The following FAM53A variants were observed in gnomAD, a reference collection of about 807,000 sequenced individuals.
FAM53A encodes family with sequence similarity 53 member A.
In FAM53A, 28 loss-of-function variants were observed where a neutral mutation model predicts 26.6. The ratio of observed to expected loss-of-function variants is 1.05; its 90% confidence interval spans 0.78 to 1.45. The LOEUF is 1.45. FAM53A is among the 40% of genes most tolerant of loss of function. The pLI, the probability that FAM53A is intolerant of heterozygous loss-of-function variation, is 0.00. For missense variants in FAM53A, 650 were observed against 575.8 expected (o/e 1.13, Z -1.32); for synonymous variants, 290 against 253.1 (o/e 1.15, Z -1.38).
the FAM53A span, among the ~76,000 whole-genome samples, chr4:1,586,298 A>G: frequency 6.6e-6 from 1 of 151,680 alleles, no homozygotes; most frequent in East Asian, 1.9e-4. Flanking sequence ...GGTTCAAGCG[A>G]TTCTCCTGAC....
chr4:1,670,377 C>T (rs1001434158), intron 1 of FAM53A, among the ~76,000 whole-genome samples: 3 of 152,256 alleles, frequency 2.0e-5, no homozygotes, highest in African/African-American at 7.2e-5. Flanking sequence ...CAGCGACGCG[C>T]ACAGTGGGCC....
At position 1,668,935 on chromosome 4, in the gene FAM53A, T is replaced by C. The variant is rs547291916; in HGVS notation, c.-164-30A>G. ...TTCTCAGAAGAGAGAAATCATCATGTGATTATACGCAAAACCATTTTGTTG... is the reference window on the plus strand; with the variant it reads ...TTCTCAGAAGAGAGAAATCATCATGCGATTATACGCAAAACCATTTTGTTG... On this transcript the variant is annotated intron_variant, in intron 1 of 4. Transcript: ENST00000308132. 4 of 550,864 alleles carry C rather than the reference T, an allele frequency of 7.3e-6. No individual in the cohort carries two copies. The South Asian group carries it at 7.9e-5, about 11-fold the overall frequency. 34.1% of individuals were successfully genotyped at this position (550,864 alleles called of 1,614,324 possible).
intron 1 of FAM53A, among the ~76,000 whole-genome samples, chr4:1,632,560 G>T (rs1715656614): frequency 6.6e-6 from 1 of 152,166 alleles, no homozygotes; most frequent in South Asian, 2.1e-4. Flanking sequence ...AATAATAAAA[G>T]CAACACCCAT....
At chr4:1,643,097 A>G (rs369703418) in intron 4 of FAM53A, among the ~76,000 whole-genome samples, 60 of 152,350 alleles carry the variant, frequency 3.9e-4, no homozygotes, top group African/African-American at 1.4e-3. Context: ...AAACACTTCC[A>G]GCGACTGATT....
intron 4 of FAM53A, among the ~76,000 whole-genome samples, chr4:1,652,139 CA>C (rs1712872878): frequency 9.1e-6 from 1 of 109,586 alleles, no homozygotes; most frequent in African/African-American, 5.6e-5. Flanking sequence ...CCTCATACAC[CA>C]CACACACCAC....
At chr4:1,685,947 T>C (rs1386726502), upstream of FAM53A, among the ~76,000 whole-genome samples, 15 of 152,114 alleles carry the variant, frequency 9.9e-5, 1 homozygote, top group Admixed American at 9.8e-4. Flanking sequence ...ATCACAAACG[T>C]CAGAGCTGTG....
At chr4:1,637,984 G>A (rs1024430354), downstream of FAM53A, among the ~76,000 whole-genome samples, 28 of 151,644 alleles carry the variant, frequency 1.8e-4, no homozygotes, top group African/African-American at 6.3e-4. Flanking sequence ...GTGGCTAGTC[G>A]AGGAAAGACC....
the FAM53A span, among the ~76,000 whole-genome samples, chr4:1,599,300 G>A: frequency 2.0e-5 from 3 of 151,984 alleles, no homozygotes; most frequent in African/African-American, 7.2e-5. The surrounding 1 kb of genome is among the most constrained non-coding windows in gnomAD (Gnocchi z 6.1). Context: ...GCTCAGGGCC[G>A]TCAGCTCCAA....
chr4:1,598,979 G>A, the FAM53A span, among the ~76,000 whole-genome samples: 1 of 152,260 alleles, frequency 6.6e-6, no homozygotes. Flanking sequence ...TCTCCTCTCT[G>A]TAGCGTGCGC....
At chr4:1,663,827 G>A (rs1714031033) in intron 2 of FAM53A, among the ~76,000 whole-genome samples, 1 of 146,068 alleles carries the variant, frequency 6.8e-6, no homozygotes, top group African/African-American at 2.5e-5. Context: ...ACAAATTAGT[G>A]AGACCCTGTC....
At chr4:1,587,915 T>A in the FAM53A span, among the ~76,000 whole-genome samples, 9 of 152,238 alleles carry the variant, frequency 5.9e-5, no homozygotes, top group Non-Finnish European at 1.3e-4. Context: ...TTTTAATAAA[T>A]GTAGGGTAAT....
At chr4:1,673,649 C>T (rs13145078) in intron 1 of FAM53A, among the ~76,000 whole-genome samples, 88,280 of 152,116 alleles carry the variant, frequency 0.58, 27,359 homozygotes, top group East Asian at 0.89. Flanking sequence ...AGGAGAATCA[C>T]TTGAACCGGG....
At chr4:1,670,495 C>T (rs964951374) in intron 1 of FAM53A, among the ~76,000 whole-genome samples, 6 of 152,234 alleles carry the variant, frequency 3.9e-5, no homozygotes, top group Non-Finnish European at 8.8e-5. Flanking sequence ...CAGGTCCTGA[C>T]GGGTGCCACC....
At chr4:1,600,517 T>C in the FAM53A span, among the ~76,000 whole-genome samples, 2 of 152,048 alleles carry the variant, frequency 1.3e-5, no homozygotes, top group Admixed American at 1.3e-4. Flanking sequence ...TGGCAGGGGC[T>C]GGGACCCCAC....
At chr4:1,638,137 G>A (rs549813051), downstream of FAM53A, among the ~76,000 whole-genome samples, 3 of 152,052 alleles carry the variant, frequency 2.0e-5, no homozygotes, top group South Asian at 2.1e-4. Flanking sequence ...GGCTGCCCCC[G>A]GCCTCAGGCA....
rs370657283 is a variant in FAM53A, at chr4:1,682,497, G to A, written c.-165+1736C>T. Among the ~76,000 whole-genome samples the A allele has an allele frequency of 3.9e-5, 6 of 152,018 alleles. No individual in the cohort carries two copies. In the South Asian group the frequency reaches 1.0e-3, roughly 26 times the overall value. On this transcript the variant is annotated intron_variant, in intron 1 of 4. Coordinates refer to ENST00000308132, the MANE Select transcript of FAM53A (RefSeq NM_001174070.3). The stretch of plus-strand genomic sequence containing the variant: ...AGGATGGTCTCGATCTCCTGACCTC[G>A]TGATCTGCCCGCCTCGGCCTCTCAA...
chr4:1,656,487 T>G (rs1713392676), intron 3 of FAM53A, among the ~76,000 whole-genome samples: 1 of 151,918 alleles, frequency 6.6e-6, no homozygotes, highest in Non-Finnish European at 1.5e-5. Context: ...TTGGGGTGAC[T>G]GGGAGAGAGA....
At chr4:1,644,161 G>A (rs771953412) in intron 4 of FAM53A, 18 of 1,530,730 alleles carry the variant, frequency 1.2e-5, no homozygotes, top group Middle Eastern at 3.3e-4. Flanking sequence ...CACTACACAC[G>A]CACCGGGGTG....
At chr4:1,663,948 C>G (rs1346211839) in intron 2 of FAM53A, among the ~76,000 whole-genome samples, 1 of 152,174 alleles carries the variant, frequency 6.6e-6, no homozygotes, top group Non-Finnish European at 1.5e-5. Context: ...ACCAGCAACT[C>G]CCAGAACACA....
Sources: gnomAD v4.1 joint callset for allele counts (sites outside exome capture counted in the v4.1 genomes callset) on GRCh38, gnomAD v4.1.1 for gene constraint, Gnocchi (gnomAD v3.1) non-coding constraint, MANE v1.5 for transcripts, NCBI Gene and HGNC (gene_info 2026-07-23, HGNC 2026-07-21) for gene names.